The following TRIM9 variants were observed in gnomAD, a reference collection of about 807,000 sequenced individuals.
TRIM9 encodes the protein tripartite motif containing 9, also known as E3 ubiquitin-protein ligase TRIM9.
In TRIM9, 26 loss-of-function variants were observed where a neutral mutation model predicts 78.3. That is an observed-to-expected ratio of 0.33 (90% CI 0.24 to 0.46). TRIM9 has a LOEUF of 0.46. TRIM9 is among the 20% of genes least tolerant of loss of function. The probability of loss-of-function intolerance (pLI) is 1.00; values close to 1 mark genes in which losing one functional copy is unlikely to be tolerated. For synonymous variants in TRIM9, 398 were observed against 416.5 expected (o/e 0.96, Z 0.54); for missense variants, 787 against 1,036.4 (o/e 0.76, Z 3.30).
intron 1 of TRIM9, among the ~76,000 whole-genome samples, chr14:51,028,980 C>A (rs1556929): frequency 1.3e-5 from 2 of 151,948 alleles, no homozygotes; most frequent in South Asian, 4.2e-4. Context: ...TACCCTGGGA[C>A]TGACTGTGGA....
intron 5 of TRIM9, among the ~76,000 whole-genome samples, chr14:51,002,601 C>T (rs1432069246): frequency 1.3e-5 from 2 of 152,120 alleles, no homozygotes; most frequent in Non-Finnish European, 2.9e-5. Flanking sequence ...GTATGCTGTA[C>T]CAAAATTGGA....
At chr14:50,992,422 A>AAAAAAAGC (rs1401603293) in intron 7 of TRIM9, among the ~76,000 whole-genome samples, 1 of 151,814 alleles carries the variant, frequency 6.6e-6, no homozygotes, top group African/African-American at 2.4e-5. Flanking sequence ...TACGGAAAAA[A>AAAAAAAGC]AAAAAAGCCA....
intron 10 of TRIM9, 164 bp downstream of exon 10, chr14:50,982,778 C>T (rs975290262): frequency 1.2e-5 from 7 of 596,752 alleles, no homozygotes; most frequent in Non-Finnish European, 2.0e-5. Flanking sequence ...ACATTAGGTG[C>T]AGATAGAATG....
chr14:51,039,169 G>C (rs2059393986), intron 1 of TRIM9, among the ~76,000 whole-genome samples: 1 of 152,212 alleles, frequency 6.6e-6, no homozygotes. Flanking sequence ...CCCAGTAGTG[G>C]ACTGACAATT....
chr14:51,041,945 G>A (rs981152447), intron 1 of TRIM9, among the ~76,000 whole-genome samples: 1 of 152,046 alleles, frequency 6.6e-6, no homozygotes, highest in Non-Finnish European at 1.5e-5. Context: ...TTGTATCGCC[G>A]AATCCATTAA....
chr14:51,005,917 G>A (rs1413970042), intron 5 of TRIM9, among the ~76,000 whole-genome samples: 3 of 152,168 alleles, frequency 2.0e-5, no homozygotes, highest in African/African-American at 7.2e-5. Context: ...TAGCTAATAA[G>A]AGAGTAAAAC....
rs897572322 is a variant in TRIM9, at chr14:50,979,118, A to G, written c.2325+269T>C. On this transcript the variant is annotated intron_variant, in intron 12 of 12. Transcript: ENST00000684578. ...TATTTAGAGGTGAAACTAGAGCTACAGAGATGATCATTAGCCAACCATGAA... is the reference window on the plus strand; with the variant it reads ...TATTTAGAGGTGAAACTAGAGCTACGGAGATGATCATTAGCCAACCATGAA... The G allele has an allele frequency of 4.3e-6, 6 of 1,391,494 alleles. No individual in the cohort carries two copies. In the African/African-American group the frequency reaches 8.7e-5, roughly 20 times the overall value. The allele number at this position is 1,391,494 out of a possible 1,614,324, so 86.2% of individuals were successfully genotyped here.
chr14:51,031,992 C>A (rs533193176), intron 1 of TRIM9, among the ~76,000 whole-genome samples: 22 of 152,362 alleles, frequency 1.4e-4, no homozygotes, highest in Non-Finnish European at 2.9e-4. Context: ...TTCCAACACA[C>A]TGTTACATAG....
intron 3 of TRIM9, among the ~76,000 whole-genome samples, chr14:51,014,145 T>C (rs1391855365): frequency 6.6e-6 from 1 of 152,242 alleles, no homozygotes; most frequent in African/African-American, 2.4e-5. Flanking sequence ...TTCAGTTCAA[T>C]GATGCATTCA....
At chr14:51,011,361 AT>A (rs1336970492) in intron 3 of TRIM9, among the ~76,000 whole-genome samples, 1 of 152,032 alleles carries the variant, frequency 6.6e-6, no homozygotes, top group African/African-American at 2.4e-5. Flanking sequence ...ATGCCTATAT[AT>A]TTTTTTATTT....
chr14:51,001,021 G>A (rs1054460056), intron 5 of TRIM9, among the ~76,000 whole-genome samples, 181 bp from the exon 6 acceptor site: 4 of 152,094 alleles, frequency 2.6e-5, no homozygotes, highest in Non-Finnish European at 4.4e-5. Context: ...GATTTGCTGT[G>A]AGGCCATTTT....
intron 9 of TRIM9, among the ~76,000 whole-genome samples, 152 bp downstream of exon 9, chr14:50,983,228 T>C (rs947606090): frequency 2.6e-5 from 4 of 152,202 alleles, no homozygotes; most frequent in African/African-American, 4.8e-5. Context: ...ATCTTTTCCA[T>C]TTTTTAAGAG....
At chr14:50,983,339 C>A in intron 9 of TRIM9, 41 bp downstream of exon 9, 1 of 1,472,944 alleles carries the variant, frequency 6.8e-7, no homozygotes, top group Non-Finnish European at 9.2e-7. Context: ...TTGAGCACAC[C>A]AATCACGTAA....
At chr14:51,091,703 A>G (rs1329431989) in intron 1 of TRIM9, among the ~76,000 whole-genome samples, 2 of 152,318 alleles carry the variant, frequency 1.3e-5, no homozygotes, top group East Asian at 3.9e-4. Context: ...AGTAATCCTC[A>G]TATTGACTGA....
chr14:51,024,289 T>C (rs1037702783), intron 2 of TRIM9, among the ~76,000 whole-genome samples: 1 of 152,156 alleles, frequency 6.6e-6, no homozygotes, highest in East Asian at 1.9e-4. Context: ...AACTGATTGA[T>C]AAACTCCATT....
rs1362201144 is a variant in TRIM9 at position 50,986,036 on chromosome 14, G to T, written c.1712C>A (p.Pro571His). The T allele has an allele frequency of 6.5e-7, 1 of 1,549,770 alleles. No individual in the cohort carries two copies. The highest frequency in any genetic ancestry group is 8.7e-7 in the Non-Finnish European group (1 of 1,146,556). The change falls in exon 8 of 13, where the codon CCC becomes CAC. Residue 571 changes from proline to histidine, a missense_variant. Physicochemically the swap from Pro to His is moderately conservative, Grantham distance 77. This residue lies in a region of TRIM9 where 421 missense variants were observed against 514.3 expected (regional missense o/e 0.82). Transcript: ENST00000684578. ...SSTLNLQPSF[P>H]GRSYFDFRSS... Reference sequence around the variant, plus strand: ...TCGGAAATCAAAGTAGGATCTCCCGGGGAAGCTGGGTTGTAGATTAAGGGT... The same window carrying T: ...TCGGAAATCAAAGTAGGATCTCCCGTGGAAGCTGGGTTGTAGATTAAGGGT...
rs67154650 is a variant in TRIM9, at chr14:50,988,574, CTTT to C, written c.1604-2433_1604-2431del. ...TAACATCCATACTGTACAACCATTTCTTTTTTTTTTTTTTTTTGAGTTTTTTCC... is the reference window on the plus strand; with the variant it reads ...TAACATCCATACTGTACAACCATTTCTTTTTTTTTTTTTTGAGTTTTTTCC... On this transcript the variant is annotated intron_variant, in intron 7 of 12. Transcript: ENST00000684578. 6.6e-3 allele frequency among the ~76,000 whole-genome samples: 919 copies of C among 138,246 alleles called. 13 individuals carry two copies. Among genetic ancestry groups the C allele is most frequent in the African/African-American group, 0.023 (855 of 37,990 alleles). The allele number at this position is 138,246 out of a possible 152,430, so 90.7% of individuals were successfully genotyped here. A position where few individuals can be genotyped will look rare whatever the true frequency, so the allele number is the denominator to read the frequency against.
chr14:51,088,326 G>T (rs183406995), intron 1 of TRIM9, among the ~76,000 whole-genome samples: 1 of 152,300 alleles, frequency 6.6e-6, no homozygotes, highest in Admixed American at 6.5e-5. Flanking sequence ...GAATCAAGTG[G>T]CTTTGTTTGT....
At chr14:51,078,063 G>A (rs570278430) in intron 1 of TRIM9, among the ~76,000 whole-genome samples, 1 of 152,312 alleles carries the variant, frequency 6.6e-6, no homozygotes, top group African/African-American at 2.4e-5. Context: ...GGTCTTATCA[G>A]ATGAGCCAGT....
Sources: gnomAD v4.1 joint callset for allele counts (sites outside exome capture counted in the v4.1 genomes callset) on GRCh38, gnomAD v4.1.1 for gene constraint, gnomAD v4.1.1 regional missense constraint, MANE v1.5 for transcripts, NCBI Gene and HGNC (gene_info 2026-07-23, HGNC 2026-07-21) for gene names.